MTX2: variants seen among roughly 807,000 people sequenced by gnomAD.
MTX2 encodes the protein metaxin 2, also known as metaxin-2.
Under a neutral mutation model 42.3 loss-of-function variants are expected in MTX2, and 35 were observed. That is an observed-to-expected ratio of 0.83 (90% CI 0.63 to 1.10). MTX2 has a LOEUF of 1.10. Among genes scored for constraint, MTX2 ranks in the 50% least tolerant of loss-of-function variants. The probability of loss-of-function intolerance (pLI) is 0.00; values close to 1 mark genes in which losing one functional copy is unlikely to be tolerated. For missense variants in MTX2, 307 were observed against 304.1 expected, an observed-to-expected ratio of 1.01 and a Z score of -0.07; for synonymous variants, 119 against 100.9, an observed-to-expected ratio of 1.18 and a Z score of -1.08.
intron 9 of MTX2, among the ~76,000 whole-genome samples, chr2:176,333,636 A>G (rs1242474870): frequency 1.3e-5 from 2 of 151,750 alleles, no homozygotes; most frequent in African/African-American, 4.8e-5. Flanking sequence ...GTGTGGATAT[A>G]TACAGTCATG....
chr2:176,320,664 T>C (rs1684563029), intron 3 of MTX2, among the ~76,000 whole-genome samples: 2 of 151,766 alleles, frequency 1.3e-5, no homozygotes, highest in African/African-American at 4.8e-5. Flanking sequence ...TCTCTCCAGC[T>C]AAGGTCTTAC....
intron 1 of MTX2, among the ~76,000 whole-genome samples, chr2:176,274,896 G>T (rs1692911173): frequency 1.3e-5 from 2 of 152,200 alleles, no homozygotes. Flanking sequence ...GGAAGTGTGT[G>T]TCTGCTACAA....
intron 3 of MTX2, among the ~76,000 whole-genome samples, chr2:176,306,849 C>T (rs563879559): frequency 6.6e-6 from 1 of 152,140 alleles, no homozygotes; most frequent in South Asian, 2.1e-4. Context: ...TTCTCCCATT[C>T]TGTAGGTTGC....
chr2:176,283,705 T>C (rs1693131517), intron 1 of MTX2, among the ~76,000 whole-genome samples: 1 of 152,226 alleles, frequency 6.6e-6, no homozygotes, highest in Non-Finnish European at 1.5e-5. Context: ...TGATTGTATT[T>C]GGTTTAGATG....
intron 3 of MTX2, among the ~76,000 whole-genome samples, chr2:176,308,470 C>T (rs886148966): frequency 5.3e-5 from 8 of 152,144 alleles, no homozygotes; most frequent in African/African-American, 1.2e-4. Flanking sequence ...GCAATGGTCC[C>T]AGCTCCTCTT....
chr2:176,304,992 A>C (rs1278584298), intron 3 of MTX2, among the ~76,000 whole-genome samples: 4 of 152,170 alleles, frequency 2.6e-5, no homozygotes, highest in Non-Finnish European at 4.4e-5. Flanking sequence ...TAAAGCATCT[A>C]ATCTTTAAAA....
chr2:176,278,243 GT>G (rs896337052), intron 1 of MTX2, among the ~76,000 whole-genome samples: 4 of 151,508 alleles, frequency 2.6e-5, no homozygotes, highest in African/African-American at 9.7e-5. Context: ...TAAAGACGGG[GT>G]TTTACCATGT....
intron 3 of MTX2, among the ~76,000 whole-genome samples, chr2:176,303,001 C>T (rs560590453): frequency 1.3e-5 from 2 of 152,212 alleles, no homozygotes; most frequent in African/African-American, 2.4e-5. Flanking sequence ...AATACAGCTG[C>T]TGTAAATTTG....
chr2:176,292,003 C>G (rs1693339972), intron 1 of MTX2, among the ~76,000 whole-genome samples: 1 of 152,104 alleles, frequency 6.6e-6, no homozygotes, highest in African/African-American at 2.4e-5. Context: ...GGTCTTTATT[C>G]CAAGAACCAC....
intron 1 of MTX2, among the ~76,000 whole-genome samples, chr2:176,282,126 G>GTTTTTTTGTTTTTTTTT (rs1693091383): frequency 3.8e-5 from 1 of 26,432 alleles, no homozygotes; most frequent in Non-Finnish European, 6.5e-5. Flanking sequence ...AGTTACAGTA[G>GTTTTTTTGTTTTTTTTT]TTTTTTTTTT....
chr2:176,312,147 A>G (rs1166196059), intron 3 of MTX2, among the ~76,000 whole-genome samples: 2 of 152,220 alleles, frequency 1.3e-5, no homozygotes, highest in African/African-American at 4.8e-5. Context: ...ATATCTCTGA[A>G]CTTAACAAGA....
chr2:176,306,584 T>G (rs1233506566), intron 3 of MTX2, among the ~76,000 whole-genome samples: 1 of 152,214 alleles, frequency 6.6e-6, no homozygotes, highest in Non-Finnish European at 1.5e-5. Flanking sequence ...TTTTCCTGAC[T>G]TTTTAATGAT....
At chr2:176,319,305 C>T (rs966755462) in intron 3 of MTX2, among the ~76,000 whole-genome samples, 4 of 152,100 alleles carry the variant, frequency 2.6e-5, no homozygotes, top group Non-Finnish European at 5.9e-5. Context: ...AAAGTCAAAG[C>T]GGAAGGTGAC....
At chr2:176,304,055 CATT>C (rs1262257324) in intron 3 of MTX2, among the ~76,000 whole-genome samples, 4 of 151,850 alleles carry the variant, frequency 2.6e-5, no homozygotes, top group Admixed American at 6.6e-5. Context: ...TAGAATTTTT[CATT>C]ATTAGATATA....
intron 1 of MTX2, among the ~76,000 whole-genome samples, chr2:176,291,717 G>C (rs1013172639): frequency 3.3e-5 from 5 of 152,088 alleles, no homozygotes; most frequent in Non-Finnish European, 7.4e-5. Flanking sequence ...TCCAAGTGCA[G>C]ACCTTATGCA....
At position 176,289,688 on chromosome 2, in the gene MTX2, G is replaced by A. The variant is rs145344012; in HGVS notation, c.41-7172G>A. On this transcript the variant is annotated intron_variant, in intron 1 of 9. Coordinates refer to ENST00000249442, the MANE Select transcript of MTX2 (RefSeq NM_006554.5). ...AAGGGTGAATTAATGTAGGTCACTA[G>A]GAGTACCTTAGAGTAAGTTATTGCT... Among the ~76,000 whole-genome samples the A allele has an allele frequency of 6.6e-3, 1,002 of 152,054 alleles. 15 individuals carry two copies. Among genetic ancestry groups the A allele is most frequent in the African/African-American group, 0.023 (940 of 41,512 alleles).
chr2:176,320,965 C>T, intron 3 of MTX2, among the ~76,000 whole-genome samples: 1 of 152,176 alleles, frequency 6.6e-6, no homozygotes, highest in East Asian at 1.9e-4. Flanking sequence ...CTCAAAAGTG[C>T]TGAGATTACA....
At chr2:176,278,292 C>A (rs1000820449) in intron 1 of MTX2, among the ~76,000 whole-genome samples, 2 of 151,816 alleles carry the variant, frequency 1.3e-5, no homozygotes, top group Non-Finnish European at 1.5e-5. Flanking sequence ...CTTATGTGAT[C>A]TGCCCGCCTC....
At chr2:176,327,006 C>A in intron 5 of MTX2, 105 bp downstream of exon 5, 1 of 598,562 alleles carries the variant, frequency 1.7e-6, no homozygotes, top group Non-Finnish European at 2.8e-6. Context: ...TATAAAATGC[C>A]AATGCAAACT....
Sources: gnomAD v4.1 joint callset for allele counts (sites outside exome capture counted in the v4.1 genomes callset) on GRCh38, gnomAD v4.1.1 for gene constraint, MANE v1.5 for transcripts, NCBI Gene and HGNC (gene_info 2026-07-23, HGNC 2026-07-21) for gene names.